Variants in TENM3 observed in about 807,000 individuals in gnomAD.
The protein encoded by TENM3 is teneurin transmembrane protein 3.
TENM3 carries 63 observed loss-of-function variants against 255.1 expected under a neutral mutation model. The ratio of observed to expected loss-of-function variants is 0.25; its 90% confidence interval spans 0.20 to 0.30. The LOEUF is 0.30. Among genes scored for constraint, TENM3 ranks in the 10% least tolerant of loss-of-function variants. The pLI is 1.00. For missense variants in TENM3, 2,929 were observed against 3,461.1 expected, an observed-to-expected ratio of 0.85 and a Z score of 3.86; for synonymous variants, 1,306 against 1,322.3, an observed-to-expected ratio of 0.99 and a Z score of 0.27.
chr4:181,745,153 A>G, the TENM3 span, among the ~76,000 whole-genome samples: 1 of 152,196 alleles, frequency 6.6e-6, no homozygotes, highest in South Asian at 2.1e-4. Context: ...TAGCCAATAA[A>G]GTAGAAAGAA....
chr4:182,480,965 C>CT (rs1357039435), intron 3 of TENM3, among the ~76,000 whole-genome samples: 2 of 151,946 alleles, frequency 1.3e-5, no homozygotes, highest in Non-Finnish European at 1.5e-5. Context: ...AGAGAGTTTC[C>CT]TTTTTTTCTG....
At chr4:181,878,221 T>C in the TENM3 span, among the ~76,000 whole-genome samples, 3 of 152,052 alleles carry the variant, frequency 2.0e-5, no homozygotes, top group Non-Finnish European at 4.4e-5. Context: ...TATACAAGGC[T>C]GTGTATCATT....
intron 1 of TENM3, among the ~76,000 whole-genome samples, chr4:182,179,272 C>CT (rs1406259969): frequency 6.6e-6 from 1 of 152,172 alleles, no homozygotes; most frequent in African/African-American, 2.4e-5. Flanking sequence ...GAGCAGCTGC[C>CT]TTTTATTCAG....
intron 1 of TENM3, among the ~76,000 whole-genome samples, chr4:182,261,838 T>C (rs1758814428): frequency 6.6e-6 from 1 of 152,222 alleles, no homozygotes. Context: ...TGGTATAACT[T>C]TACTGCATAG....
chr4:181,672,647 A>T, the TENM3 span, among the ~76,000 whole-genome samples: 1 of 140,380 alleles, frequency 7.1e-6, no homozygotes, highest in Non-Finnish European at 1.6e-5. Flanking sequence ...ATGTGTTTTC[A>T]TAATGATTAT....
At chr4:181,509,563 G>A in the TENM3 span, among the ~76,000 whole-genome samples, 15 of 152,110 alleles carry the variant, frequency 9.9e-5, no homozygotes. Context: ...TCCATCCACA[G>A]AATTGACCTT....
chr4:181,787,012 T>C, the TENM3 span, among the ~76,000 whole-genome samples: 1 of 152,206 alleles, frequency 6.6e-6, no homozygotes, highest in Non-Finnish European at 1.5e-5. Flanking sequence ...CCTGTGGCAC[T>C]CTCTCATGTC....
At chr4:182,262,804 C>T (rs1232147951) in intron 1 of TENM3, among the ~76,000 whole-genome samples, 2 of 150,612 alleles carry the variant, frequency 1.3e-5, no homozygotes, top group South Asian at 2.1e-4. Flanking sequence ...AGCTCCGCCT[C>T]CCGGGTTCAC....
the TENM3 span, among the ~76,000 whole-genome samples, chr4:181,463,884 T>G: frequency 6.6e-6 from 1 of 152,174 alleles, no homozygotes; most frequent in Non-Finnish European, 1.5e-5. Context: ...CTGTGTAGTT[T>G]ATATAAATAA....
chr4:182,031,847 T>C, the TENM3 span, among the ~76,000 whole-genome samples: 1 of 152,232 alleles, frequency 6.6e-6, no homozygotes, highest in Non-Finnish European at 1.5e-5. Context: ...GATTTGGCTC[T>C]GTACTTGTAT....
intron 1 of TENM3, among the ~76,000 whole-genome samples, chr4:182,236,990 C>T (rs1756936340): frequency 6.6e-6 from 1 of 152,160 alleles, no homozygotes; most frequent in Non-Finnish European, 1.5e-5. Flanking sequence ...CTGATGCTCT[C>T]CTCCTTGTCC....
At chr4:182,731,525 C>G (rs991783390) in intron 16 of TENM3, among the ~76,000 whole-genome samples, 9 of 151,600 alleles carry the variant, frequency 5.9e-5, no homozygotes. Flanking sequence ...AAGACAAAAA[C>G]AAAACCAAAA....
At chr4:182,106,820 G>A in the TENM3 span, among the ~76,000 whole-genome samples, 1 of 152,096 alleles carries the variant, frequency 6.6e-6, no homozygotes, top group Admixed American at 6.6e-5. Flanking sequence ...TGGGAAACTG[G>A]CCTACCATGT....
At chr4:182,254,961 G>A (rs1303747283) in intron 1 of TENM3, among the ~76,000 whole-genome samples, 1 of 152,174 alleles carries the variant, frequency 6.6e-6, no homozygotes, top group Non-Finnish European at 1.5e-5. Context: ...AACCATGTGT[G>A]TATATTTAAA....
the TENM3 span, among the ~76,000 whole-genome samples, chr4:181,448,330 C>A: frequency 6.8e-6 from 1 of 146,650 alleles, no homozygotes; most frequent in African/African-American, 2.5e-5. Context: ...CACCACTACG[C>A]CCGGCTAATT....
intron 3 of TENM3, among the ~76,000 whole-genome samples, chr4:182,590,749 G>T (rs541433754): frequency 1.4e-5 from 2 of 143,322 alleles, no homozygotes; most frequent in Admixed American, 1.4e-4. Context: ...CAACTACTCG[G>T]GGGGCAGGAG....
chr4:181,484,080 G>A, the TENM3 span, among the ~76,000 whole-genome samples: 2 of 151,946 alleles, frequency 1.3e-5, no homozygotes, highest in African/African-American at 2.4e-5. Context: ...TGCTAAGAAC[G>A]CGGTTTGGTT....
At chr4:181,678,841 C>CAA in the TENM3 span, among the ~76,000 whole-genome samples, 1,699 of 102,822 alleles carry the variant, frequency 0.017, 55 homozygotes, top group Admixed American at 0.11. Context: ...ATGTTTTAAA[C>CAA]AAAAAAAAAA....
upstream of TENM3, among the ~76,000 whole-genome samples, chr4:182,238,563 C>T (rs1332809835): frequency 6.6e-6 from 1 of 152,122 alleles, no homozygotes; most frequent in African/African-American, 2.4e-5. Flanking sequence ...TCTATTAGGG[C>T]AGAGCCTTTT....
Sources: allele counts gnomAD v4.1 joint callset (sites outside exome capture counted in the v4.1 genomes callset), GRCh38; gene constraint gnomAD v4.1.1; transcripts MANE v1.5; gene names NCBI Gene and HGNC (gene_info 2026-07-23, HGNC 2026-07-21).